RASGRP4: variants seen among roughly 807,000 people sequenced by gnomAD.
RASGRP4 encodes the protein RAS guanyl releasing protein 4, also known as RAS guanyl-releasing protein 4.
Under a neutral mutation model 84.4 loss-of-function variants are expected in RASGRP4, and 52 were observed. The ratio of observed to expected loss-of-function variants is 0.62; its 90% CI spans 0.49 to 0.78. The LOEUF is 0.78. RASGRP4 is among the 30% of genes least tolerant of loss of function. RASGRP4 has a pLI of 0.00. For missense variants in RASGRP4, 760 were observed against 886.9 expected, an observed-to-expected ratio of 0.86 and a Z score of 1.82; for synonymous variants, 356 against 359.1, an observed-to-expected ratio of 0.99 and a Z score of 0.10.
intron 8 of RASGRP4, among the ~76,000 whole-genome samples, chr19:38,416,362 C>T (rs1301424179): frequency 1.4e-5 from 2 of 147,458 alleles, no homozygotes; most frequent in Admixed American, 7.0e-5. Flanking sequence ...ATTCGGGAGG[C>T]TGGGGCAGGA....
Position 38,409,530 on chromosome 19 carries a change from G to C in RASGRP4, c.*510C>G, listed in dbSNP as rs1971130648. 1 of 152,556 alleles carries C rather than the reference G, an allele frequency of 6.6e-6. No homozygotes were observed. The highest frequency in any genetic ancestry group is 2.4e-5 in the African/African-American group (1 of 41,394). 9.5% of individuals were successfully genotyped at this position (152,556 alleles called of 1,614,324 possible). A position where few individuals can be genotyped will look rare whatever the true frequency, so the allele number is the denominator to read the frequency against. ...TGAGGCTGGTGGATCATGAGGTCAG[G>C]AGTTTGAGACCATCTTGGCCAACAT... On this transcript the variant is annotated 3_prime_UTR_variant, in exon 17 of 17. Coordinates refer to ENST00000615439, the MANE Select transcript of RASGRP4 (RefSeq NM_170604.3).
Position 38,426,111 on chromosome 19 carries a change from G to T in RASGRP4, c.-20C>A, listed in dbSNP as rs754213346. ...GTTCATGCTTCCCGCGTGGGGTGAG[G>T]AGGCCGGGGGTCTTGCAAGAGTAGG... On this transcript the variant is annotated 5_prime_UTR_variant, in exon 1 of 17. Coordinates refer to ENST00000615439, the MANE Select transcript of RASGRP4 (RefSeq NM_170604.3). The T allele has an allele frequency of 7.6e-7, 1 of 1,323,306 alleles. No individual in the cohort carries two copies. The highest frequency in any genetic ancestry group is 2.8e-5 in the East Asian group (1 of 35,452). The allele number at this position is 1,323,306 out of a possible 1,614,324, so 82.0% of individuals were successfully genotyped here.
In RASGRP4 at chr19:38,415,531, G is replaced by A. The variant is rs542396925; in HGVS notation, c.955-408C>T. The stretch of plus-strand genomic sequence containing the variant: ...GGGATTACAGGCATTGAGCCACCAC[G>A]CCAGGCTAATTTTGTATTTTTAGTA... On this transcript the variant is annotated intron_variant, in intron 8 of 16. Transcript: ENST00000615439. Among the ~76,000 whole-genome samples, 29 of 151,582 alleles carry A rather than the reference G, an allele frequency of 1.9e-4. 1 individual carries two copies. In the East Asian group the frequency reaches 5.3e-3, roughly 28 times the overall value.
Position 38,417,303 on chromosome 19 carries a change from C to G in RASGRP4, c.838-135G>C. 1.5e-6 allele frequency: 1 copy of G among 654,772 alleles called. No homozygotes were observed. The highest frequency in any genetic ancestry group is 2.8e-6 in the Non-Finnish European group (1 of 357,872). 40.6% of individuals were successfully genotyped at this position (654,772 alleles called of 1,614,324 possible). Reference sequence around the variant, plus strand: ...TGGGGATCAGACAGGTGAGAGAAGGCGGGTGTGTGCGGCAAGAGTGGGACA... The same window carrying G: ...TGGGGATCAGACAGGTGAGAGAAGGGGGGTGTGTGCGGCAAGAGTGGGACA... On this transcript the variant is annotated intron_variant, in intron 7 of 16. Coordinates refer to ENST00000615439, the MANE Select transcript of RASGRP4 (RefSeq NM_170604.3). The surrounding 1 kb of genome is among the most constrained non-coding windows in gnomAD (Gnocchi z 5.1).
rs1268744624 is a variant in RASGRP4 at position 38,420,088 on chromosome 19, A to T, written c.509+43T>A. The T allele has an allele frequency of 1.9e-6, 3 of 1,607,814 alleles. No homozygotes were observed. In the South Asian group the frequency reaches 3.3e-5, roughly 18 times the overall value. On this transcript the variant is annotated intron_variant, in intron 5 of 16. Transcript: ENST00000615439. The stretch of plus-strand genomic sequence containing the variant: ...TGGGGATATAGAGGGAGATGGCAGA[A>T]TGGCGATGGGGCAGGGAAGAGGGGA...
intron 1 of RASGRP4, among the ~76,000 whole-genome samples, chr19:38,424,662 T>C (rs944988166): frequency 2.6e-5 from 4 of 151,594 alleles, no homozygotes; most frequent in African/African-American, 9.7e-5. Context: ...CTAGAACTCC[T>C]GGCTTCAAGT....
chr19:38,410,004 G>A lies in RASGRP4; in HGVS notation c.*36C>T. 1.3e-6 allele frequency: 2 copies of A among 1,577,534 alleles called. No individual in the cohort carries two copies. The highest frequency in any genetic ancestry group is 1.7e-6 in the Non-Finnish European group (2 of 1,153,354). ...ACGGCAGGACTCAGGACTGACTGGG[G>A]GAAGGGAGTGAGGAAGAGAGGAGAC... is the stretch of plus-strand genomic sequence containing the variant. On this transcript the variant is annotated 3_prime_UTR_variant, in exon 17 of 17. Coordinates refer to ENST00000615439, the MANE Select transcript of RASGRP4 (RefSeq NM_170604.3).
intron 4 of RASGRP4, 93 bp downstream of exon 4, chr19:38,420,815 A>C: frequency 7.6e-7 from 1 of 1,307,762 alleles, no homozygotes; most frequent in Non-Finnish European, 1.1e-6. Flanking sequence ...GTCTGTGGGA[A>C]CTGGCCTGGG....
chr19:38,418,111 C>T lies in RASGRP4; in HGVS notation c.837+280G>A, dbSNP rs1017432174. Among the ~76,000 whole-genome samples the T allele has an allele frequency of 1.3e-5, 2 of 152,072 alleles. No individual in the cohort carries two copies. The highest frequency in any genetic ancestry group is 1.3e-4 in the Admixed American group (2 of 15,274). On this transcript the variant is annotated intron_variant, in intron 7 of 16. Transcript: ENST00000615439. This position sits in a 1 kb window ranked among gnomAD's most constrained non-coding sequence, Gnocchi z 4.6. ...CAAAGGTGGGGGCATGGAAGAGACA[C>T]TCTCATTGACCTGGGGATAGAATAT...
At chr19:38,420,077 G>T in intron 5 of RASGRP4, 54 bp downstream of exon 5, 1 of 1,608,494 alleles carries the variant, frequency 6.2e-7, no homozygotes, top group Non-Finnish European at 8.5e-7. Context: ...GATATAGAGG[G>T]AGATGGCAGA....
chr19:38,415,004 C>G lies in RASGRP4; in HGVS notation c.1074G>C (p.Leu358=), dbSNP rs778786153. The G allele has an allele frequency of 1.1e-5, 17 of 1,612,580 alleles. No individual in the cohort carries two copies. The highest frequency in any genetic ancestry group is 1.4e-5 in the Non-Finnish European group (17 of 1,179,516). The change falls in exon 9 of 17, where the codon CTG becomes CTC. Residue 358 remains leucine, a synonymous_variant. Coordinates refer to ENST00000615439, the MANE Select transcript of RASGRP4 (RefSeq NM_170604.3). ...CGGGCTGTGCCTCATGCAGGGACACCAGGTCCTTGAGGTGCACGCCCAGTA... is the reference window on the plus strand; with the variant it reads ...CGGGCTGTGCCTCATGCAGGGACACGAGGTCCTTGAGGTGCACGCCCAGTA... ...LPVLGVHLKD[L]VSLHEAQPDR...
intron 8 of RASGRP4, among the ~76,000 whole-genome samples, chr19:38,416,229 C>G (rs569908904): frequency 1.2e-4 from 18 of 151,778 alleles, no homozygotes; most frequent in African/African-American, 3.9e-4. Flanking sequence ...TTTTGGAGGC[C>G]AAGGTGGGTG....
rs566064722 is a variant in RASGRP4 at position 38,415,131 on chromosome 19, G to A, written c.955-8C>T. 1.3e-6 allele frequency: 2 copies of A among 1,581,786 alleles called. No individual in the cohort carries two copies. The highest frequency in any genetic ancestry group is 2.3e-5 in the East Asian group (1 of 43,798). Reference sequence around the variant, plus strand: ...AGTGAGCTCCAGGAGGGCCTGGGGAGGAGGGACATGGGATTGGGGCGTTAT... The same window carrying A: ...AGTGAGCTCCAGGAGGGCCTGGGGAAGAGGGACATGGGATTGGGGCGTTAT... On this transcript the variant is annotated splice_polypyrimidine_tract_variant and splice_region_variant and intron_variant, in intron 8 of 16. Transcript: ENST00000615439.
At chr19:38,425,052 G>A (rs540889007) in intron 1 of RASGRP4, among the ~76,000 whole-genome samples, 1 of 152,026 alleles carries the variant, frequency 6.6e-6, no homozygotes, top group Non-Finnish European at 1.5e-5. Flanking sequence ...GGGTGTGGTG[G>A]TGCACACCTG....
At chr19:38,423,470 G>A (rs1242737682) in intron 1 of RASGRP4, among the ~76,000 whole-genome samples, 2 of 151,918 alleles carry the variant, frequency 1.3e-5, no homozygotes, top group Non-Finnish European at 2.9e-5. Context: ...AGGCTGCAGT[G>A]AGCCGGAACT....
chr19:38,423,838 AAATAATAAT>A (rs935327802), intron 1 of RASGRP4, among the ~76,000 whole-genome samples: 1 of 151,620 alleles, frequency 6.6e-6, no homozygotes, highest in South Asian at 2.1e-4. Context: ...CTTAGTCTCA[AAATAATAAT>A]AATAATAATA....
chr19:38,425,163 G>A (rs937637040), intron 1 of RASGRP4, among the ~76,000 whole-genome samples: 7 of 150,474 alleles, frequency 4.7e-5, no homozygotes, highest in Admixed American at 4.0e-4. Flanking sequence ...CCAGCCTGGC[G>A]GCAGAGCGAG....
chr19:38,420,394 T>C, intron 4 of RASGRP4, 132 bp from the exon 5 acceptor site: 1 of 1,009,828 alleles, frequency 9.9e-7, no homozygotes, highest in Non-Finnish European at 1.4e-6. Context: ...CCCTGGAGGG[T>C]TGGGGTTTGG....
chr19:38,413,569 G>A lies in RASGRP4; in HGVS notation c.1231-95C>T. 9.5e-7 allele frequency: 1 copy of A among 1,055,840 alleles called. No individual in the cohort carries two copies. Among genetic ancestry groups the A allele is most frequent in the Non-Finnish European group, 1.4e-6 (1 of 706,544 alleles). The allele number at this position is 1,055,840 out of a possible 1,614,324, so 65.4% of individuals were successfully genotyped here. On this transcript the variant is annotated intron_variant, in intron 9 of 16. Transcript: ENST00000615439. This position sits in a 1 kb window ranked among gnomAD's most constrained non-coding sequence, Gnocchi z 4.7. ...AGGCTCTTCCCAAAGCCCCTCCTGG[G>A]TTCAAATCCTGGCATTACTGCTGTG... is the stretch of plus-strand genomic sequence containing the variant.
Sources: gnomAD v4.1 joint callset for allele counts (sites outside exome capture counted in the v4.1 genomes callset) on GRCh38, gnomAD v4.1.1 for gene constraint, Gnocchi (gnomAD v3.1) non-coding constraint, MANE v1.5 for transcripts, NCBI Gene and HGNC (gene_info 2026-07-23, HGNC 2026-07-21) for gene names.